The following SLC12A7 variants were observed in gnomAD, a reference collection of about 807,000 sequenced individuals.
The protein encoded by SLC12A7 is solute carrier family 12 member 7, also known as K-Cl cotransporter 4.
SLC12A7 carries 100 observed loss-of-function variants against 120.6 expected under a neutral mutation model. The ratio of observed to expected loss-of-function variants is 0.83; its 90% CI spans 0.71 to 0.98. The LOEUF (loss-of-function observed/expected upper bound fraction) is 0.98. Among genes scored for constraint, SLC12A7 ranks in the 50% least tolerant of loss-of-function variants. The probability of loss-of-function intolerance (pLI) is 0.00; values close to 1 mark genes in which losing one functional copy is unlikely to be tolerated. For missense variants in SLC12A7, 1,373 were observed against 1,548.1 expected (o/e 0.89, Z 1.90); for synonymous variants, 760 against 678.0 (o/e 1.12, Z -1.88).
chr5:1,083,933 G>T lies in SLC12A7; in HGVS notation c.941C>A (p.Thr314Lys). The stretch of plus-strand genomic sequence containing the variant: ...GGCATCGAAGCTGCGCCGTGACAGC[G>T]TGCGGTTCCCCAGGAGGCAGACCCT... Reference protein sequence around the residue: ...DIPVCLLGNRTLSRRSFDACV... With the variant: ...DIPVCLLGNRKLSRRSFDACV... Residue 314 changes from threonine (T) to lysine (K), a missense_variant, in exon 8 of 24, where the codon ACG becomes AAG. By Grantham distance (78) the Thr-to-Lys change is moderately conservative. Coordinates refer to ENST00000264930, the MANE Select transcript of SLC12A7 (RefSeq NM_006598.3). 6.2e-7 allele frequency: 1 copy of T among 1,604,170 alleles called. No individual in the cohort carries two copies. The highest frequency in any genetic ancestry group is 8.5e-7 in the Non-Finnish European group (1 of 1,179,738).
At chr5:1,107,448 G>A (rs776703519) in intron 1 of SLC12A7, among the ~76,000 whole-genome samples, 10 of 152,192 alleles carry the variant, frequency 6.6e-5, no homozygotes, top group East Asian at 5.8e-4. Flanking sequence ...CTCACTCCAC[G>A]GCCCACTCAC....
chr5:1,075,619 G>A (rs1050675391), intron 14 of SLC12A7, 129 bp from the exon 15 acceptor site: 41 of 1,361,052 alleles, frequency 3.0e-5, no homozygotes, highest in Non-Finnish European at 3.3e-5. Flanking sequence ...AGTCACTGAC[G>A]CCTGACGACC....
chr5:1,083,631 C>T (rs942586627), intron 8 of SLC12A7, 114 bp downstream of exon 8: 2 of 1,114,218 alleles, frequency 1.8e-6, no homozygotes, highest in Non-Finnish European at 2.6e-6. Context: ...GGGGCTCGGC[C>T]AGGCAGGAGG....
chr5:1,118,518 C>T, the SLC12A7 span, among the ~76,000 whole-genome samples: 4 of 152,366 alleles, frequency 2.6e-5, no homozygotes, highest in East Asian at 3.9e-4. Flanking sequence ...CCCAGACTCG[C>T]GCCCTCGCCA....
Position 1,073,697 on chromosome 5 carries a change from A to AGACAGCATGGAATC in SLC12A7, c.2176_2177insGATTCCATGCTGTC (p.Ile726ArgfsTer32). The stretch of plus-strand genomic sequence containing the variant: ...CGTCCCCTCCAGCACCGAGCCCACG[A>AGACAGCATGGAATC]TGGTCAGGCCCTTGCCGGCCTTCAG... On this transcript the variant is annotated frameshift_variant, in exon 17 of 24. Coordinates refer to ENST00000264930, the MANE Select transcript of SLC12A7 (RefSeq NM_006598.3). LOFTEE classifies it high-confidence loss of function. 1 of 1,588,976 alleles carries AGACAGCATGGAATC rather than the reference A, an allele frequency of 6.3e-7. No homozygotes were observed. Among genetic ancestry groups the AGACAGCATGGAATC allele is most frequent in the Non-Finnish European group, 8.6e-7 (1 of 1,167,010 alleles).
In SLC12A7 at chr5:1,064,217, G is replaced by T. The variant is rs1425767638; in HGVS notation, c.2473C>A (p.Leu825Met). Residue 825 changes from leucine (L) to methionine (M), a missense_variant, in exon 19 of 24, where the codon CTG becomes ATG. Physicochemically the swap from Leu to Met is conservative, Grantham distance 15. Coordinates refer to ENST00000264930, the MANE Select transcript of SLC12A7 (RefSeq NM_006598.3). ...VRDTTAAHQA[L>M]LVAKNVDSFP... is the part of the protein sequence containing the mutation. ...GAGTCGACGTTCTTGGCCACCAGCA[G>T]AGCCTGGTGCGCGGCGGTGGTGTCG... The T allele has an allele frequency of 6.2e-7, 1 of 1,612,252 alleles. No individual in the cohort carries two copies. Among genetic ancestry groups the T allele is most frequent in the Non-Finnish European group, 8.5e-7 (1 of 1,179,640 alleles).
At chr5:1,067,991 A>G (rs764034612) in intron 17 of SLC12A7, among the ~76,000 whole-genome samples, 2 of 152,202 alleles carry the variant, frequency 1.3e-5, no homozygotes, top group Non-Finnish European at 2.9e-5. Context: ...GGACAACTTT[A>G]CGAGCGGGGA....
chr5:1,082,995 C>CTGGGGAAGCCT (rs1739377032), intron 8 of SLC12A7, among the ~76,000 whole-genome samples: 1 of 133,066 alleles, frequency 7.5e-6, no homozygotes, highest in Non-Finnish European at 1.6e-5. Flanking sequence ...CTGGAAAGTC[C>CTGGGGAAGCCT]GGGCTTCCCA....
At chr5:1,087,058 C>T (rs372745144) in intron 5 of SLC12A7, 25 bp from the exon 6 acceptor site, 71 of 1,603,968 alleles carry the variant, frequency 4.4e-5, no homozygotes, top group East Asian at 9.0e-5. Context: ...GCGGCAGCCG[C>T]GGGTCAGGGG....
chr5:1,063,599 G>A (rs1313287243), intron 20 of SLC12A7, among the ~76,000 whole-genome samples: 2 of 150,648 alleles, frequency 1.3e-5, no homozygotes, highest in Admixed American at 6.6e-5. Context: ...CGCCACAATC[G>A]CCACCACCTT....
intron 22 of SLC12A7, among the ~76,000 whole-genome samples, chr5:1,054,124 G>A (rs1439477532): frequency 1.3e-5 from 2 of 152,238 alleles, no homozygotes; most frequent in African/African-American, 4.8e-5. Flanking sequence ...GGCCCTCAGT[G>A]GCCACTACTG....
At chr5:1,088,452 C>A in intron 4 of SLC12A7, 92 bp from the exon 5 acceptor site, 4 of 1,355,292 alleles carry the variant, frequency 3.0e-6, no homozygotes, top group Non-Finnish European at 4.1e-6. Context: ...ACCCGGCTCC[C>A]GCCGAATGCC....
rs77202160 is a variant in SLC12A7 at position 1,082,740 on chromosome 5, A to G, written c.1130-996T>C. Among the ~76,000 whole-genome samples the G allele has an allele frequency of 2.7e-3, 275 of 100,134 alleles. 1 individual carries two copies. Among genetic ancestry groups the G allele is most frequent in the Middle Eastern group, 9.1e-3 (1 of 110 alleles). 65.7% of individuals were successfully genotyped at this position (100,134 alleles called of 152,430 possible). A position where few individuals can be genotyped will look rare whatever the true frequency, so the allele number is the denominator to read the frequency against. The stretch of plus-strand genomic sequence containing the variant: ...CTGGAAAGCCTGGGCTTCCCATCTC[A>G]GGTTCTGGAAAGTCCAGGCTTCCCG... On this transcript the variant is annotated intron_variant, in intron 8 of 23. Transcript: ENST00000264930.
At chr5:1,113,264 T>C (rs1056614025), upstream of SLC12A7, among the ~76,000 whole-genome samples, 1 of 152,316 alleles carries the variant, frequency 6.6e-6, no homozygotes, top group South Asian at 2.1e-4. Context: ...TCTTGTCACG[T>C]GGAAAATGGG....
At chr5:1,148,966 T>C in the SLC12A7 span, among the ~76,000 whole-genome samples, 5 of 152,170 alleles carry the variant, frequency 3.3e-5, no homozygotes, top group Admixed American at 3.3e-4. Context: ...TGCCCATAAT[T>C]TTTGTTTAAA....
intron 5 of SLC12A7, among the ~76,000 whole-genome samples, chr5:1,087,419 C>T (rs778784916): frequency 6.6e-6 from 1 of 152,260 alleles, no homozygotes; most frequent in Non-Finnish European, 1.5e-5. Flanking sequence ...GTTCAGGAGT[C>T]GTCTCGTGTA....
the SLC12A7 span, among the ~76,000 whole-genome samples, chr5:1,144,199 TC>T: frequency 6.6e-6 from 1 of 151,672 alleles, no homozygotes; most frequent in African/African-American, 2.4e-5. Context: ...CCCGCCAACC[TC>T]AGGGAGGGGA....
chr5:1,139,604 C>A, the SLC12A7 span, among the ~76,000 whole-genome samples: 2 of 152,224 alleles, frequency 1.3e-5, no homozygotes, highest in Non-Finnish European at 2.9e-5. Context: ...GTGTGGGTGC[C>A]GGGAAACAGG....
chr5:1,087,431 T>C (rs1018097030), intron 5 of SLC12A7, among the ~76,000 whole-genome samples: 1 of 152,260 alleles, frequency 6.6e-6, no homozygotes, highest in African/African-American at 2.4e-5. Context: ...TCTCGTGTAC[T>C]GTGAACCACG....
Sources: gnomAD v4.1 joint callset for allele counts (sites outside exome capture counted in the v4.1 genomes callset) on GRCh38, gnomAD v4.1.1 for gene constraint, MANE v1.5 for transcripts, NCBI Gene and HGNC (gene_info 2026-07-23, HGNC 2026-07-21) for gene names.